CDH20: variants seen among roughly 807,000 people sequenced by gnomAD.
CDH20 encodes cadherin 20, also known as cadherin-20.
A neutral mutation model predicts 74.2 loss-of-function variants in CDH20; 29 were observed. The ratio of observed to expected loss-of-function variants is 0.39; its 90% confidence interval spans 0.29 to 0.53. CDH20 has a LOEUF of 0.53. CDH20 is among the 20% of genes least tolerant of loss of function. The pLI, the probability that CDH20 is intolerant of heterozygous loss-of-function variation, is 0.69. For synonymous variants in CDH20, 469 were observed against 405.4 expected, an observed-to-expected ratio of 1.16 and a Z score of -1.88; for missense variants, 988 against 1,048.3, an observed-to-expected ratio of 0.94 and a Z score of 0.79.
At chr18:61,468,554 T>C (rs370196307) in intron 1 of CDH20, among the ~76,000 whole-genome samples, 1 of 152,216 alleles carries the variant, frequency 6.6e-6, no homozygotes, top group East Asian at 1.9e-4. Flanking sequence ...TAATGCACTG[T>C]GTTTCTCTAG....
intron 1 of CDH20, among the ~76,000 whole-genome samples, chr18:61,445,851 A>G (rs1342025775): frequency 1.3e-5 from 2 of 152,134 alleles, no homozygotes; most frequent in African/African-American, 4.8e-5. Flanking sequence ...GGGCTGGTCA[A>G]CCCAAGATTT....
intron 5 of CDH20, among the ~76,000 whole-genome samples, chr18:61,503,424 A>C (rs914494146): frequency 4.6e-5 from 7 of 152,352 alleles, no homozygotes; most frequent in Admixed American, 3.9e-4. Context: ...CTAAGGAATA[A>C]GTTTTGTTGG....
At chr18:61,356,612 T>C (rs1599033612) in intron 1 of CDH20, among the ~76,000 whole-genome samples, 2 of 152,208 alleles carry the variant, frequency 1.3e-5, no homozygotes, top group Non-Finnish European at 2.9e-5. Context: ...CTAATAGCAA[T>C]TCACAGGCAG....
intron 1 of CDH20, among the ~76,000 whole-genome samples, chr18:61,405,671 G>A (rs530532156): frequency 1.2e-4 from 18 of 152,284 alleles, no homozygotes; most frequent in African/African-American, 4.3e-4. Flanking sequence ...CTTTAAAGCA[G>A]TGGTTCTCAA....
chr18:61,554,633 C>A lies in CDH20; in HGVS notation c.2344C>A (p.Pro782Thr). The A allele has an allele frequency of 6.2e-7, 1 of 1,602,562 alleles. No individual in the cohort carries two copies. Among genetic ancestry groups the A allele is most frequent in the East Asian group, 2.2e-5 (1 of 44,632 alleles). The change falls in exon 12 of 12, where the codon CCC becomes ACC. Residue 782 changes from proline (P) to threonine (T), a missense_variant. Physicochemically the swap from Pro to Thr is conservative, Grantham distance 38. Coordinates refer to ENST00000262717, the MANE Select transcript of CDH20 (RefSeq NM_031891.4). ...QSFDFLTDWG[P>T]RFRKLAELYG... Reference sequence around the variant, plus strand: ...CTTCGACTTCCTGACGGACTGGGGGCCCCGCTTCCGGAAGCTGGCCGAGCT... The same window carrying A: ...CTTCGACTTCCTGACGGACTGGGGGACCCGCTTCCGGAAGCTGGCCGAGCT...
At chr18:61,421,653 A>G (rs1174332548) in intron 1 of CDH20, among the ~76,000 whole-genome samples, 1 of 152,306 alleles carries the variant, frequency 6.6e-6, no homozygotes, top group Non-Finnish European at 1.5e-5. Flanking sequence ...TTGAATGTCT[A>G]TAGCATAAAA....
intron 6 of CDH20, among the ~76,000 whole-genome samples, chr18:61,521,101 C>CA (rs1352884879): frequency 1.3e-5 from 2 of 150,640 alleles, no homozygotes; most frequent in African/African-American, 2.5e-5. Context: ...GATAGAGACA[C>CA]AAAAAAACCT....
At chr18:61,488,620 T>G (rs977870939) in intron 1 of CDH20, among the ~76,000 whole-genome samples, 3 of 152,224 alleles carry the variant, frequency 2.0e-5, no homozygotes, top group African/African-American at 7.2e-5. Context: ...CTTAGTCTAA[T>G]GCACTTTGAG....
At chr18:61,368,236 A>G (rs1186370857) in intron 1 of CDH20, among the ~76,000 whole-genome samples, 1 of 152,086 alleles carries the variant, frequency 6.6e-6, no homozygotes, top group Non-Finnish European at 1.5e-5. Flanking sequence ...CATATGACAT[A>G]ACATATTCAC....
At chr18:61,437,994 G>A (rs978439670) in intron 1 of CDH20, among the ~76,000 whole-genome samples, 3 of 152,088 alleles carry the variant, frequency 2.0e-5, no homozygotes, top group Non-Finnish European at 4.4e-5. Flanking sequence ...GAGGATTTGA[G>A]CAGTACAGCA....
At chr18:61,412,988 T>C (rs1319841611) in intron 1 of CDH20, among the ~76,000 whole-genome samples, 1 of 152,212 alleles carries the variant, frequency 6.6e-6, no homozygotes, top group African/African-American at 2.4e-5. Flanking sequence ...TTAACTTTTG[T>C]AATTAAGAAA....
chr18:61,434,639 G>A (rs1409589733), intron 1 of CDH20, among the ~76,000 whole-genome samples: 1 of 152,030 alleles, frequency 6.6e-6, no homozygotes, highest in Non-Finnish European at 1.5e-5. Context: ...GGGAGGTCTG[G>A]TGGTCCATGA....
intron 1 of CDH20, among the ~76,000 whole-genome samples, chr18:61,425,057 C>G (rs1485214743): frequency 6.8e-6 from 1 of 146,098 alleles, no homozygotes; most frequent in Non-Finnish European, 1.5e-5. Context: ...CTCTCTCTCT[C>G]TCTCTCTCTC....
At chr18:61,365,224 C>T (rs771361846) in intron 1 of CDH20, among the ~76,000 whole-genome samples, 3 of 152,216 alleles carry the variant, frequency 2.0e-5, no homozygotes, top group Non-Finnish European at 2.9e-5. Flanking sequence ...ACTACTGCAG[C>T]ATCTTGGAAA....
At position 61,527,369 on chromosome 18, in the gene CDH20, A is replaced by AGATAGTTAGATAGATAGATAGAT. The variant is rs1555683347; in HGVS notation, c.1018-593_1018-592insTTAGATAGATAGATAGATGATAG. ...GCCTCAGTTGCATGAATATTCTAAT[A>AGATAGTTAGATAGATAGATAGAT]GATAGATAGATAGATAGATAGATAG... On this transcript the variant is annotated intron_variant, in intron 6 of 11. Coordinates refer to ENST00000262717, the MANE Select transcript of CDH20 (RefSeq NM_031891.4). Among the ~76,000 whole-genome samples the AGATAGTTAGATAGATAGATAGAT allele has an allele frequency of 3.2e-5, 3 of 92,944 alleles. No homozygotes were observed. In the East Asian group the frequency reaches 7.9e-4, roughly 24 times the overall value. The allele number at this position is 92,944 out of a possible 152,430, so 61.0% of individuals were successfully genotyped here.
chr18:61,342,652 C>T (rs548749447), intron 1 of CDH20, among the ~76,000 whole-genome samples: 1 of 152,356 alleles, frequency 6.6e-6, no homozygotes, highest in African/African-American at 2.4e-5. Context: ...TGTCTCCAGA[C>T]ATTGCCAAAT....
In CDH20 at chr18:61,554,271, A is replaced by G. The variant is rs1192568027; in HGVS notation, c.1982A>G (p.Asn661Ser). Residue 661 changes from asparagine (N) to serine (S), a missense_variant, in exon 12 of 12, where the codon AAC becomes AGC. By Grantham distance (46) the Asn-to-Ser change is conservative. This residue lies in a region of CDH20 where 375 missense variants were observed against 293.1 expected (regional missense o/e 1.28). Coordinates refer to ENST00000262717, the MANE Select transcript of CDH20 (RefSeq NM_031891.4). ...IIDDEENIHE[N>S]IVRYDDEGGG... Reference sequence around the variant, plus strand: ...GACGACGAGGAAAACATCCACGAGAACATCGTCCGCTACGACGACGAGGGC... The same window carrying G: ...GACGACGAGGAAAACATCCACGAGAGCATCGTCCGCTACGACGACGAGGGC... 1.2e-6 allele frequency: 2 copies of G among 1,614,022 alleles called. No individual in the cohort carries two copies. The highest frequency in any genetic ancestry group is 2.2e-5 in the East Asian group (1 of 44,874).
At chr18:61,542,411 C>T (rs1006328352) in intron 9 of CDH20, among the ~76,000 whole-genome samples, 8 of 152,066 alleles carry the variant, frequency 5.3e-5, no homozygotes, top group East Asian at 1.9e-4. Context: ...TAAGGAGGGC[C>T]CTTGGGGCCA....
At chr18:61,506,971 A>G (rs1343332972) in intron 5 of CDH20, among the ~76,000 whole-genome samples, 3 of 152,234 alleles carry the variant, frequency 2.0e-5, no homozygotes, top group African/African-American at 7.2e-5. Flanking sequence ...TTTGAAGCGT[A>G]AACAGAATAA....
Sources: allele counts gnomAD v4.1 joint callset (sites outside exome capture counted in the v4.1 genomes callset), GRCh38; gene constraint gnomAD v4.1.1; regional missense constraint gnomAD v4.1.1; transcripts MANE v1.5; gene names NCBI Gene and HGNC (gene_info 2026-07-23, HGNC 2026-07-21).